Variants in LHPP observed in about 807,000 individuals in gnomAD.
LHPP encodes phospholysine phosphohistidine inorganic pyrophosphate phosphatase.
LHPP carries 24 observed loss-of-function variants against 30.3 expected under a neutral mutation model. The ratio of observed to expected loss-of-function variants is 0.79; its 90% CI spans 0.57 to 1.11. LHPP has a LOEUF of 1.11. LHPP is among the 50% of genes most tolerant of loss of function. The pLI is 0.00. For synonymous variants in LHPP, 150 were observed against 157.1 expected (o/e 0.95, Z 0.34); for missense variants, 356 against 367.2 (o/e 0.97, Z 0.25).
intron 6 of LHPP, among the ~76,000 whole-genome samples, chr10:124,535,926 G>T (rs1241023309): frequency 6.6e-6 from 1 of 152,242 alleles, no homozygotes; most frequent in East Asian, 1.9e-4. Context: ...GATCAAGGTG[G>T]GGCCCCTGGA....
At chr10:124,543,497 G>A (rs1438648579) in intron 6 of LHPP, among the ~76,000 whole-genome samples, 1 of 152,228 alleles carries the variant, frequency 6.6e-6, no homozygotes, top group Non-Finnish European at 1.5e-5. Flanking sequence ...GCTGAGCCTT[G>A]GGGCCTCAAA....
chr10:124,494,597 G>A (rs542281772), intron 3 of LHPP, among the ~76,000 whole-genome samples: 2 of 152,294 alleles, frequency 1.3e-5, no homozygotes. Flanking sequence ...CCTGCAGAGG[G>A]CCTTGCCTGT....
intron 1 of LHPP, among the ~76,000 whole-genome samples, chr10:124,462,633 A>G (rs1446022096): frequency 6.6e-6 from 1 of 152,210 alleles, no homozygotes; most frequent in South Asian, 2.1e-4. Flanking sequence ...CGTGAGTAAA[A>G]TGTAAAATAA....
At position 124,562,674 on chromosome 10, in the gene LHPP, G is replaced by A. The variant is rs117799329; in HGVS notation, c.716+45403G>A. ...AGGCCAGGCGTGGTGGCTCACAGCT[G>A]TAATCCCAGCATTTTGGAAGGCTAA... On this transcript the variant is annotated intron_variant, in intron 6 of 6. Transcript: ENST00000368842. Among the ~76,000 whole-genome samples the A allele has an allele frequency of 6.2e-3, 952 of 152,340 alleles. 3 individuals are homozygous for A. The highest frequency in any genetic ancestry group is 0.01 in the Non-Finnish European group (695 of 68,034).
Position 124,590,323 on chromosome 10 carries a change from C to T in LHPP, c.717-22941C>T, listed in dbSNP as rs549759122. Among the ~76,000 whole-genome samples the T allele has an allele frequency of 1.3e-5, 2 of 152,262 alleles. No individual in the cohort carries two copies. The highest frequency in any genetic ancestry group is 2.1e-4 in the South Asian group (1 of 4,814). ...CAGGAGTGGCTCCCACCCTCGACTG[C>T]GGGGAAGTGCTGGAACCCTCCGCAC... On this transcript the variant is annotated intron_variant, in intron 6 of 6. Transcript: ENST00000368842. This position sits in a 1 kb window ranked among gnomAD's most constrained non-coding sequence, Gnocchi z 4.3.
rs554680699 is a variant in LHPP at position 124,543,163 on chromosome 10, G to A, written c.716+25892G>A. ...GTTGACTGGGAGAGAAAATGCCCCCGTTCCAGCTCGGGCAGTACAAGCCTT... is the reference window on the plus strand; with the variant it reads ...GTTGACTGGGAGAGAAAATGCCCCCATTCCAGCTCGGGCAGTACAAGCCTT... On this transcript the variant is annotated intron_variant, in intron 6 of 6. Transcript: ENST00000368842. 1.1e-4 allele frequency among the ~76,000 whole-genome samples: 16 copies of A among 152,308 alleles called. No individual in the cohort carries two copies. The East Asian group carries it at 2.7e-3, about 26-fold the overall frequency.
Position 124,596,312 on chromosome 10 carries a change from G to A in LHPP, c.717-16952G>A, listed in dbSNP as rs371061866. Among the ~76,000 whole-genome samples, 4 of 152,148 alleles carry A rather than the reference G, an allele frequency of 2.6e-5. No individual in the cohort carries two copies. The highest frequency in any genetic ancestry group is 4.2e-4 in the South Asian group (2 of 4,818). On this transcript the variant is annotated intron_variant, in intron 6 of 6. Transcript: ENST00000368842. The surrounding 1 kb of genome is among the most constrained non-coding windows in gnomAD (Gnocchi z 4.6). Reference sequence around the variant, plus strand: ...CCGCGGCATTCATGTGTTTAGTGTAGGAGACTCTTGCCAAACATTTCTCCA... The same window carrying A: ...CCGCGGCATTCATGTGTTTAGTGTAAGAGACTCTTGCCAAACATTTCTCCA...
chr10:124,586,663 G>A (rs369574487), intron 6 of LHPP, among the ~76,000 whole-genome samples: 6 of 152,346 alleles, frequency 3.9e-5, no homozygotes, highest in African/African-American at 1.4e-4. Flanking sequence ...GGTGGACCGA[G>A]AGGAGACGAC....
At chr10:124,502,176 T>A (rs773353326) in intron 5 of LHPP, among the ~76,000 whole-genome samples, 1 of 151,890 alleles carries the variant, frequency 6.6e-6, no homozygotes, top group African/African-American at 2.4e-5. Flanking sequence ...AAATCAACAC[T>A]GGCACAAGGC....
At chr10:124,535,573 AT>A (rs34086090) in intron 6 of LHPP, among the ~76,000 whole-genome samples, 2,362 of 146,694 alleles carry the variant, frequency 0.016, 55 homozygotes, top group African/African-American at 0.055. Flanking sequence ...TTAAAAAAAC[AT>A]TTTTTTTTTT....
At chr10:124,469,645 A>AT (rs950392208) in intron 1 of LHPP, among the ~76,000 whole-genome samples, 4 of 150,724 alleles carry the variant, frequency 2.7e-5, no homozygotes, top group Admixed American at 6.6e-5. Context: ...TTCCTTTTTT[A>AT]TTTTTTTTTC....
intron 6 of LHPP, among the ~76,000 whole-genome samples, chr10:124,577,460 A>T (rs770737272): frequency 5.9e-5 from 9 of 152,072 alleles, no homozygotes; most frequent in Non-Finnish European, 1.2e-4. Flanking sequence ...GTCAGTTGAG[A>T]CTCTCCAGAG....
chr10:124,479,542 C>T (rs960230078), intron 1 of LHPP, among the ~76,000 whole-genome samples: 4 of 152,182 alleles, frequency 2.6e-5, no homozygotes, highest in Non-Finnish European at 4.4e-5. Flanking sequence ...GTTCTGGAGG[C>T]TGGAAGGCTG....
intron 6 of LHPP, among the ~76,000 whole-genome samples, chr10:124,530,048 C>A (rs866974412): frequency 1.9e-4 from 29 of 152,172 alleles, no homozygotes; most frequent in Middle Eastern, 6.8e-3. Flanking sequence ...TGAGGCCGTC[C>A]AAGCCCGTCT....
At chr10:124,611,883 CTG>C (rs1210810875) in intron 6 of LHPP, among the ~76,000 whole-genome samples, 1 of 152,230 alleles carries the variant, frequency 6.6e-6, no homozygotes, top group African/African-American at 2.4e-5. Context: ...TGCCGGGAGA[CTG>C]TGGTTTCCCT....
At position 124,492,270 on chromosome 10, in the gene LHPP, G is replaced by T. The variant is rs969891565; in HGVS notation, c.467+3695G>T. On this transcript the variant is annotated intron_variant, in intron 3 of 6. Coordinates refer to ENST00000368842, the MANE Select transcript of LHPP (RefSeq NM_022126.4). ...TGAAAGATGTTTCAAGAAATGAAAA[G>T]ATTTTTTTAGTGACAAAAAATTTCT... Among the ~76,000 whole-genome samples, 3 of 31,214 alleles carry T rather than the reference G, an allele frequency of 9.6e-5. No homozygotes were observed. In the East Asian group the frequency reaches 4.0e-3, roughly 42 times the overall value. The allele number at this position is 31,214 out of a possible 152,430, so 20.5% of individuals were successfully genotyped here. A position where few individuals can be genotyped will look rare whatever the true frequency, so the allele number is the denominator to read the frequency against.
chr10:124,536,156 C>T (rs1397735041), intron 6 of LHPP, among the ~76,000 whole-genome samples: 1 of 152,244 alleles, frequency 6.6e-6, no homozygotes, highest in African/African-American at 2.4e-5. Context: ...ACCCCTGCCG[C>T]GTGTGCGTGC....
chr10:124,485,510 T>G (rs866685004), intron 2 of LHPP, among the ~76,000 whole-genome samples: 9 of 152,336 alleles, frequency 5.9e-5, no homozygotes, highest in African/African-American at 1.9e-4. Context: ...TGGAATTTTT[T>G]TTTTCAGTCA....
At chr10:124,482,572 T>C (rs1445977453) in intron 1 of LHPP, among the ~76,000 whole-genome samples, 1 of 152,060 alleles carries the variant, frequency 6.6e-6, no homozygotes, top group Admixed American at 6.6e-5. Flanking sequence ...CAGGAAGGGA[T>C]CTTGTGATCT....
Sources: allele counts gnomAD v4.1 joint callset (sites outside exome capture counted in the v4.1 genomes callset), GRCh38; gene constraint gnomAD v4.1.1; non-coding constraint Gnocchi (gnomAD v3.1); transcripts MANE v1.5; gene names NCBI Gene and HGNC (gene_info 2026-07-23, HGNC 2026-07-21).